The following CAPZB variants were observed in gnomAD, a reference collection of about 807,000 sequenced individuals.
CAPZB encodes F-actin-capping protein subunit beta.
Under a neutral mutation model 38.1 loss-of-function variants are expected in CAPZB, and 2 were observed. The ratio of observed to expected loss-of-function variants is 0.05; its 90% CI spans 0.02 to 0.17. CAPZB has a LOEUF of 0.17. Ranked by LOEUF, CAPZB falls within the 10% of genes least tolerant of loss-of-function variation. The probability of loss-of-function intolerance (pLI) is 1.00; values close to 1 mark genes in which losing one functional copy is unlikely to be tolerated. For synonymous variants in CAPZB, 107 were observed against 127.4 expected (o/e 0.84, Z 1.08); for missense variants, 161 against 334.2 (o/e 0.48, Z 4.04).
chr1:19,414,255 A>C (rs2094369776), intron 2 of CAPZB, among the ~76,000 whole-genome samples: 1 of 152,180 alleles, frequency 6.6e-6, no homozygotes, highest in Non-Finnish European at 1.5e-5. Flanking sequence ...GGATAATTTC[A>C]AAGCATGGCT....
At chr1:19,359,458 C>T (rs2094041040) in intron 4 of CAPZB, among the ~76,000 whole-genome samples, 1 of 152,166 alleles carries the variant, frequency 6.6e-6, no homozygotes, top group South Asian at 2.1e-4. Flanking sequence ...TGGCCCCCTG[C>T]CCAGGGCTCC....
intron 4 of CAPZB, among the ~76,000 whole-genome samples, chr1:19,359,218 TTTTTTTTTTTTTTTG>T (rs900766127): frequency 9.3e-5 from 14 of 150,796 alleles, no homozygotes; most frequent in African/African-American, 3.4e-4. Context: ...CTCTTTTTTT[TTTTTTTTTTTTTTTG>T]CAATTTTACA....
In CAPZB at chr1:19,436,473, C is replaced by G. The variant is rs2094458494; in HGVS notation, c.4-16723G>C. On this transcript the variant is annotated intron_variant, in intron 1 of 8. Coordinates refer to ENST00000264202, the MANE Select transcript of CAPZB (RefSeq NM_004930.5). The stretch of plus-strand genomic sequence containing the variant: ...AAAAGGGCTTCTTTAAGTGCAATTT[C>G]TCAATTTAATAAAGGAAGGGAAAAA... Among the ~76,000 whole-genome samples the G allele has an allele frequency of 2.0e-5, 3 of 152,074 alleles. No individual in the cohort carries two copies. The South Asian group carries it at 6.2e-4, about 31-fold the overall frequency.
At chr1:19,405,778 T>C (rs960009582) in intron 2 of CAPZB, among the ~76,000 whole-genome samples, 3 of 152,142 alleles carry the variant, frequency 2.0e-5, no homozygotes, top group Admixed American at 6.5e-5. Flanking sequence ...AGATGATCCC[T>C]CCAAAGCGTC....
chr1:19,358,085 G>C (rs185773304), intron 4 of CAPZB, among the ~76,000 whole-genome samples: 93 of 152,302 alleles, frequency 6.1e-4, no homozygotes, highest in African/African-American at 2.2e-3. Flanking sequence ...GAAATGAAGG[G>C]CTCAGCTTGA....
chr1:19,412,824 A>C (rs1227806463), intron 2 of CAPZB, among the ~76,000 whole-genome samples: 1 of 152,208 alleles, frequency 6.6e-6, no homozygotes, highest in Non-Finnish European at 1.5e-5. Flanking sequence ...ACGACCATTA[A>C]AGAGCCTCTA....
chr1:19,406,180 A>G (rs2094331080), intron 2 of CAPZB, among the ~76,000 whole-genome samples: 1 of 152,246 alleles, frequency 6.6e-6, no homozygotes, highest in African/African-American at 2.4e-5. Context: ...GTGAGGGCCA[A>G]TGACCCAAAA....
chr1:19,366,377 T>A (rs114102985), intron 4 of CAPZB, among the ~76,000 whole-genome samples: 2,319 of 149,570 alleles, frequency 0.016, 71 homozygotes, highest in African/African-American at 0.055. Context: ...AAAGACAAGG[T>A]CATACAGGCA....
At chr1:19,341,424 T>G (rs2093927755) in intron 8 of CAPZB, among the ~76,000 whole-genome samples, 2 of 152,200 alleles carry the variant, frequency 1.3e-5, no homozygotes, top group African/African-American at 4.8e-5. Context: ...CGCCAGGTCT[T>G]GGCTGGATCA....
chr1:19,357,608 AT>A lies in CAPZB; in HGVS notation c.330-46del, dbSNP rs1258532398. On this transcript the variant is annotated intron_variant, in intron 4 of 8. Coordinates refer to ENST00000264202, the MANE Select transcript of CAPZB (RefSeq NM_004930.5). The surrounding 1 kb of genome is among the most constrained non-coding windows in gnomAD (Gnocchi z 4.3). ...GTGCCTGTTAGATGCTAAAGGACAG[AT>A]CATCAGCCTGGGTCCCAGGCTGCTG... 6.2e-7 allele frequency: 1 copy of A among 1,606,110 alleles called. No individual in the cohort carries two copies. The highest frequency in any genetic ancestry group is 1.7e-5 in the Admixed American group (1 of 59,690).
At chr1:19,369,506 G>A (rs1031106132) in intron 4 of CAPZB, among the ~76,000 whole-genome samples, 10 of 152,228 alleles carry the variant, frequency 6.6e-5, no homozygotes, top group Non-Finnish European at 1.2e-4. Flanking sequence ...CCCACAGCAG[G>A]CAGGGCGGGT....
intron 2 of CAPZB, among the ~76,000 whole-genome samples, chr1:19,403,390 G>A (rs1212324220): frequency 6.6e-6 from 1 of 152,236 alleles, no homozygotes; most frequent in Non-Finnish European, 1.5e-5. Flanking sequence ...GCGGAGATGG[G>A]AAGATGAGCA....
At chr1:19,400,727 A>G (rs2094298935) in intron 2 of CAPZB, among the ~76,000 whole-genome samples, 1 of 152,156 alleles carries the variant, frequency 6.6e-6, no homozygotes, top group South Asian at 2.1e-4. Context: ...AGGAGTCCAT[A>G]AGGTTCCCCA....
chr1:19,432,919 T>C (rs6426801), intron 1 of CAPZB, among the ~76,000 whole-genome samples: 149,970 of 152,366 alleles, frequency 0.98, 73,850 homozygotes, highest in East Asian at 1. Context: ...ATGGACAATG[T>C]CATCTACTAC....
chr1:19,406,725 T>C (rs1265577207), intron 2 of CAPZB, among the ~76,000 whole-genome samples: 2 of 152,148 alleles, frequency 1.3e-5, no homozygotes, highest in African/African-American at 2.4e-5. Flanking sequence ...AACCTTGTGG[T>C]GTGCAGTTTA....
intron 2 of CAPZB, among the ~76,000 whole-genome samples, chr1:19,415,425 A>G (rs1375750452): frequency 6.6e-6 from 1 of 152,216 alleles, no homozygotes; most frequent in Non-Finnish European, 1.5e-5. Flanking sequence ...AGAAACTAAA[A>G]CTGCATGTGA....
intron 1 of CAPZB, among the ~76,000 whole-genome samples, chr1:19,468,763 T>C (rs1389315531): frequency 6.7e-6 from 1 of 150,214 alleles, no homozygotes; most frequent in African/African-American, 2.4e-5. Context: ...GCACCCGCCA[T>C]GCCCTCCTGG....
chr1:19,352,643 C>A (rs946765402), intron 6 of CAPZB, among the ~76,000 whole-genome samples: 2 of 152,252 alleles, frequency 1.3e-5, no homozygotes, highest in Non-Finnish European at 2.9e-5. Flanking sequence ...TCACACACAT[C>A]CACAAGCCTG....
At chr1:19,391,572 A>G (rs2094235279) in intron 2 of CAPZB, among the ~76,000 whole-genome samples, 1 of 152,208 alleles carries the variant, frequency 6.6e-6, no homozygotes, top group Non-Finnish European at 1.5e-5. Context: ...ACTTTCTTAA[A>G]AAGATAAAAG....
Sources: allele counts gnomAD v4.1 joint callset (sites outside exome capture counted in the v4.1 genomes callset), GRCh38; gene constraint gnomAD v4.1.1; non-coding constraint Gnocchi (gnomAD v3.1); transcripts MANE v1.5; gene names NCBI Gene and HGNC (gene_info 2026-07-23, HGNC 2026-07-21).